The following CCNH variants were observed in gnomAD, a reference collection of about 807,000 sequenced individuals.
The protein encoded by CCNH is cyclin H.
In CCNH, 31 loss-of-function variants were observed where a neutral mutation model predicts 41.9. The observed-to-expected ratio is 0.74, with a 90% CI of 0.56 to 1.00. The LOEUF is 1.00. CCNH is among the 50% of genes least tolerant of loss of function. The pLI is 0.00. For missense variants in CCNH, 362 were observed against 388.4 expected (o/e 0.93, Z 0.57); for synonymous variants, 138 against 136.1 (o/e 1.01, Z -0.10).
upstream of CCNH, among the ~76,000 whole-genome samples, chr5:87,380,762 G>A (rs1300630799): frequency 6.6e-6 from 1 of 152,154 alleles, no homozygotes; most frequent in Admixed American, 6.5e-5. Context: ...AAGTTACTGT[G>A]AGATTTAGCT....
intron 9 of CCNH, among the ~76,000 whole-genome samples, chr5:87,327,868 G>A (rs1757340522): frequency 6.6e-6 from 1 of 151,814 alleles, no homozygotes; most frequent in Non-Finnish European, 1.5e-5. Context: ...GGGAGGCAGA[G>A]ACAGGAGAAT....
At chr5:87,327,840 C>G (rs909491106) in intron 9 of CCNH, among the ~76,000 whole-genome samples, 1 of 151,992 alleles carries the variant, frequency 6.6e-6, no homozygotes, top group Admixed American at 6.5e-5. Context: ...TGGCACACAC[C>G]TGTAATCCCA....
intron 9 of CCNH, chr5:87,331,554 A>G: frequency 6.4e-7 from 1 of 1,559,730 alleles, no homozygotes; most frequent in Middle Eastern, 1.9e-4. Context: ...TTGATATAAT[A>G]TTCATAAATA....
At chr5:87,377,112 A>ATC in exon 1 of CCNH, 1 of 1,492,432 alleles carries the variant, frequency 6.7e-7, no homozygotes, top group Non-Finnish European at 9.3e-7. Context: ...TATGGACTCT[A>ATC]TCTCTGAATA....
intron 9 of CCNH, chr5:87,353,310 C>T: frequency 8.6e-7 from 1 of 1,167,036 alleles, no homozygotes; most frequent in Non-Finnish European, 1.3e-6. Flanking sequence ...TTTTTGCACA[C>T]ATTTGTACAA....
intron 6 of CCNH, among the ~76,000 whole-genome samples, chr5:87,400,925 C>T (rs962789537): frequency 2.0e-5 from 3 of 152,148 alleles, no homozygotes; most frequent in Admixed American, 6.6e-5. Flanking sequence ...CTCTCAACAC[C>T]GGCACTAATG....
rs990355710 is a variant in CCNH, at chr5:87,334,791, A to G, written c.*91-15894T>C. Among the ~76,000 whole-genome samples, 3 of 152,240 alleles carry G rather than the reference A, an allele frequency of 2.0e-5. 1 individual carries two copies. The highest frequency in any genetic ancestry group is 1.3e-4 in the Admixed American group (2 of 15,284). On this transcript the variant is annotated intron_variant and NMD_transcript_variant, in intron 9 of 9. Transcript: ENST00000645953. ...CTGTGACTACACAACTTTAATCTGT[A>G]TGATGAAATGGGAAGTATGTATAAA...
intron 9 of CCNH, chr5:87,333,378 G>A (rs1166251813): frequency 6.2e-7 from 1 of 1,606,370 alleles, no homozygotes; most frequent in Non-Finnish European, 8.5e-7. Context: ...ATTTGAAAGA[G>A]CTAGACTTCG....
chr5:87,399,529 TTAAAC>T, intron 6 of CCNH, 24 bp from the exon 7 acceptor site: 1 of 1,491,842 alleles, frequency 6.7e-7, no homozygotes, highest in Non-Finnish European at 9.4e-7. Context: ...AAAAAAGAAT[TTAAAC>T]TGAATAAGCA....
chr5:87,395,962 T>C (rs3093848), intron 7 of CCNH, among the ~76,000 whole-genome samples: 1,873 of 151,898 alleles, frequency 0.012, 16 homozygotes, highest in Non-Finnish European at 0.019. Flanking sequence ...ATAAATAATA[T>C]ATCATATATA....
Position 87,362,207 on chromosome 5 carries a change from A to G in CCNH, c.*90+30563T>C, listed in dbSNP as rs1255183166. Among the ~76,000 whole-genome samples, 11 of 152,236 alleles carry G rather than the reference A, an allele frequency of 7.2e-5. No homozygotes were observed. In the East Asian group the frequency reaches 1.9e-3, roughly 27 times the overall value. On this transcript the variant is annotated intron_variant and NMD_transcript_variant, in intron 9 of 9. Transcript: ENST00000645953. ...TGCTTACATTGGTTCCTAATCTACCAGTTATGCTGGGACAAGTTTATGTTT... is the reference window on the plus strand; with the variant it reads ...TGCTTACATTGGTTCCTAATCTACCGGTTATGCTGGGACAAGTTTATGTTT...
upstream of CCNH, chr5:87,379,761 TGAA>T (rs1273519182): frequency 6.2e-7 from 1 of 1,612,462 alleles, no homozygotes; most frequent in Non-Finnish European, 8.5e-7. Flanking sequence ...TAGAAAAAAA[TGAA>T]GATGTGAACA....
intron 1 of CCNH, chr5:87,412,455 A>G: frequency 4.3e-6 from 6 of 1,401,422 alleles, no homozygotes; most frequent in Non-Finnish European, 5.6e-6. Flanking sequence ...ACTACGTTAC[A>G]AAGACTGGTT....
chr5:87,365,076 A>T (rs2112463329), intron 9 of CCNH, among the ~76,000 whole-genome samples: 1 of 152,278 alleles, frequency 6.6e-6, no homozygotes, highest in African/African-American at 2.4e-5. Flanking sequence ...GAACAATTTT[A>T]TTGAGATCAG....
downstream of CCNH, among the ~76,000 whole-genome samples, chr5:87,314,018 A>T (rs1415566365): frequency 4.6e-5 from 7 of 151,056 alleles, no homozygotes; most frequent in Admixed American, 1.3e-4. Flanking sequence ...AAATACAAAA[A>T]ATGAGCCAGG....
intron 9 of CCNH, among the ~76,000 whole-genome samples, chr5:87,321,616 T>TGGCAAGGTCTGGATGCCATAG (rs1328348595): frequency 6.6e-6 from 1 of 152,256 alleles, no homozygotes. Flanking sequence ...AACAGCCATA[T>TGGCAAGGTCTGGATGCCATAG]GGCAAGGTCT....
chr5:87,409,159 G>T, intron 3 of CCNH, 131 bp downstream of exon 3: 1 of 434,032 alleles, frequency 2.3e-6, no homozygotes, highest in Non-Finnish European at 4.1e-6. Flanking sequence ...TAGAATTCAA[G>T]TCTAAATTAC....
intron 5 of CCNH, among the ~76,000 whole-genome samples, chr5:87,403,994 G>A (rs911985592): frequency 2.0e-5 from 3 of 152,124 alleles, no homozygotes; most frequent in Admixed American, 2.0e-4. Context: ...GGGATTAAAC[G>A]TATACATTTA....
chr5:87,338,536 A>ATATATTTTTTTT, intron 9 of CCNH, among the ~76,000 whole-genome samples: 9 of 85,216 alleles, frequency 1.1e-4, no homozygotes, highest in African/African-American at 3.5e-4. Context: ...TATATATAAA[A>ATATATTTTTTTT]TTTTTTTTTT....
Sources: gnomAD v4.1 joint callset for allele counts (sites outside exome capture counted in the v4.1 genomes callset) on GRCh38, gnomAD v4.1.1 for gene constraint, MANE v1.5 for transcripts, NCBI Gene and HGNC (gene_info 2026-07-23, HGNC 2026-07-21) for gene names.